The following PXT1 variants were observed in gnomAD, a reference collection of about 807,000 sequenced individuals.
The protein encoded by PXT1 is peroxisomal testis-specific protein 1.
A neutral mutation model predicts 11.0 loss-of-function variants in PXT1; 11 were observed. That is an observed-to-expected ratio of 1.00 (90% CI 0.63 to 1.66). PXT1 has a LOEUF of 1.66. PXT1 is among the 40% of genes most tolerant of loss of function. The probability of loss-of-function intolerance (pLI) is 0.00; values close to 1 mark genes in which losing one functional copy is unlikely to be tolerated. For missense variants in PXT1, 141 were observed against 155.5 expected (o/e 0.91, Z 0.49); for synonymous variants, 43 against 51.4 (o/e 0.84, Z 0.70).
At chr6:36,426,309 C>T (rs1371380342) in intron 2 of PXT1, among the ~76,000 whole-genome samples, 2 of 150,704 alleles carry the variant, frequency 1.3e-5, no homozygotes, top group Non-Finnish European at 2.9e-5. Flanking sequence ...CCTATTACAC[C>T]GGCCTGCATC....
At chr6:36,434,465 T>C (rs1774735535) in intron 2 of PXT1, among the ~76,000 whole-genome samples, 2 of 152,228 alleles carry the variant, frequency 1.3e-5, no homozygotes, top group African/African-American at 4.8e-5. Flanking sequence ...TTAATGTCTC[T>C]AAGAATTGTG....
intron 4 of PXT1, among the ~76,000 whole-genome samples, chr6:36,400,123 C>A (rs1001625166): frequency 1.3e-5 from 2 of 152,194 alleles, no homozygotes; most frequent in African/African-American, 4.8e-5. Context: ...AATGTGCACA[C>A]AAATCCCCTG....
At position 36,391,426 on chromosome 6, in the gene PXT1, G is replaced by C. The variant is rs1015400451; in HGVS notation, c.*344C>G. 1 of 247,250 alleles carries C rather than the reference G, an allele frequency of 4.0e-6. No homozygotes were observed. Among genetic ancestry groups the C allele is most frequent in the African/African-American group, 2.3e-5 (1 of 42,928 alleles). 15.3% of individuals were successfully genotyped at this position (247,250 alleles called of 1,614,324 possible). ...TCTGTGGCCTTTAGTTTGAGGACGA[G>C]GTTCTCTTTCATTCCTGGAAGGAAA... On this transcript the variant is annotated 3_prime_UTR_variant, in exon 5 of 5. Coordinates refer to ENST00000454782, the MANE Select transcript of PXT1 (RefSeq NM_152990.4).
Position 36,413,873 on chromosome 6 carries a change from C to G in PXT1, c.169+12041G>C, listed in dbSNP as rs537025963. Among the ~76,000 whole-genome samples, 5 of 152,204 alleles carry G rather than the reference C, an allele frequency of 3.3e-5. No individual in the cohort carries two copies. In the East Asian group the frequency reaches 9.7e-4, roughly 29 times the overall value. ...AATTAGCCAGATGTGATGGCATGAGCCTATAGTCCTTGATACTCAAGAGGC... is the reference window on the plus strand; with the variant it reads ...AATTAGCCAGATGTGATGGCATGAGGCTATAGTCCTTGATACTCAAGAGGC... On this transcript the variant is annotated intron_variant, in intron 3 of 4. Coordinates refer to ENST00000454782, the MANE Select transcript of PXT1 (RefSeq NM_152990.4).
At position 36,397,945 on chromosome 6, in the gene PXT1, G is replaced by A. The variant is rs576655786; in HGVS notation, c.300+2509C>T. On this transcript the variant is annotated intron_variant, in intron 4 of 4. Transcript: ENST00000454782. ...GTGGGAGGATCAATTGAACCCAGGA[G>A]TTCAAGGCTGTGTGAGCTATGATCA... 3.7e-4 allele frequency among the ~76,000 whole-genome samples: 56 copies of A among 152,078 alleles called. 1 individual carries two copies. Among genetic ancestry groups the A allele is most frequent in the African/African-American group, 1.4e-3 (56 of 41,454 alleles).
chr6:36,412,658 C>CAAA lies in PXT1; in HGVS notation c.170-12077_170-12075dup, dbSNP rs70975156. ...CTGGCAAGAGAGCAAGACTCCGTCTCAAAAAAAAAAAAATGGAGTCTTGAA... is the reference window on the plus strand; with the variant it reads ...CTGGCAAGAGAGCAAGACTCCGTCTCAAAAAAAAAAAAAAAATGGAGTCTTGAA... On this transcript the variant is annotated intron_variant, in intron 3 of 4. Coordinates refer to ENST00000454782, the MANE Select transcript of PXT1 (RefSeq NM_152990.4). Among the ~76,000 whole-genome samples, 122 of 146,058 alleles carry CAAA rather than the reference C, an allele frequency of 8.4e-4. 2 individuals are homozygous for CAAA. The highest frequency in any genetic ancestry group is 1.0e-3 in the East Asian group (5 of 4,898).
At chr6:36,436,837 G>A (rs945458026) in intron 2 of PXT1, among the ~76,000 whole-genome samples, 4 of 152,104 alleles carry the variant, frequency 2.6e-5, no homozygotes, top group Non-Finnish European at 5.9e-5. Flanking sequence ...CTATGTGTCA[G>A]GCATCAAACT....
At position 36,396,407 on chromosome 6, in the gene PXT1, C is replaced by A. The variant is rs992597047; in HGVS notation, c.300+4047G>T. 5.3e-5 allele frequency among the ~76,000 whole-genome samples: 8 copies of A among 152,300 alleles called. No homozygotes were observed. The East Asian group carries it at 1.4e-3, about 26-fold the overall frequency. On this transcript the variant is annotated intron_variant, in intron 4 of 4. Transcript: ENST00000454782. The stretch of plus-strand genomic sequence containing the variant: ...CACCCTCAGGGGCCCCAGGAAGCAC[C>A]CTACCCCTACCCCTGAAGGCTCAGG...
intron 1 of PXT1, among the ~76,000 whole-genome samples, chr6:36,441,642 A>T (rs964028722): frequency 4.6e-5 from 7 of 152,210 alleles, no homozygotes; most frequent in Non-Finnish European, 1.0e-4. Context: ...TGACTTACAG[A>T]TGACGAGTGC....
At chr6:36,417,935 G>A (rs1361416282) in intron 3 of PXT1, among the ~76,000 whole-genome samples, 1 of 152,074 alleles carries the variant, frequency 6.6e-6, no homozygotes, top group East Asian at 1.9e-4. Flanking sequence ...CGGTGGTCAT[G>A]CCTGTAATCC....
At chr6:36,394,902 A>G (rs901192742) in intron 4 of PXT1, among the ~76,000 whole-genome samples, 20 of 152,076 alleles carry the variant, frequency 1.3e-4, no homozygotes, top group African/African-American at 4.6e-4. Context: ...CCTGGGCTCA[A>G]GCAATCCTCC....
chr6:36,430,711 T>A (rs1187448923), intron 2 of PXT1, among the ~76,000 whole-genome samples: 1 of 152,244 alleles, frequency 6.6e-6, no homozygotes, highest in Non-Finnish European at 1.5e-5. Context: ...AAGTTTGTGG[T>A]CATTTGTTAC....
intron 4 of PXT1, among the ~76,000 whole-genome samples, chr6:36,393,940 A>C (rs868622814): frequency 2.6e-5 from 4 of 152,314 alleles, no homozygotes; most frequent in African/African-American, 9.6e-5. Flanking sequence ...GATCACTCCC[A>C]TATCTCCGGT....
chr6:36,400,734 C>T (rs1297985349), intron 3 of PXT1, 150 bp from the exon 4 acceptor site: 4 of 718,528 alleles, frequency 5.6e-6, no homozygotes, highest in Admixed American at 2.9e-5. Context: ...TTTAGGAGGC[C>T]GAGGTGGGTG....
At chr6:36,397,898 C>T (rs982321494) in intron 4 of PXT1, among the ~76,000 whole-genome samples, 18 of 151,962 alleles carry the variant, frequency 1.2e-4, no homozygotes, top group African/African-American at 4.3e-4. Context: ...TGCCTGTGGT[C>T]TCAGCTACTC....
At chr6:36,421,213 C>A (rs956719893) in intron 3 of PXT1, among the ~76,000 whole-genome samples, 4 of 151,934 alleles carry the variant, frequency 2.6e-5, no homozygotes, top group African/African-American at 9.7e-5. Context: ...ACGCCTGTAA[C>A]CCCAACACTT....
chr6:36,417,121 A>G (rs2127414514), intron 3 of PXT1, among the ~76,000 whole-genome samples: 1 of 152,204 alleles, frequency 6.6e-6, no homozygotes, highest in Middle Eastern at 3.4e-3. Context: ...CGAGGCGGGC[A>G]GATCACCTGA....
At chr6:36,439,382 C>T (rs1387427238) in intron 1 of PXT1, among the ~76,000 whole-genome samples, 2 of 151,036 alleles carry the variant, frequency 1.3e-5, no homozygotes, top group African/African-American at 4.9e-5. Flanking sequence ...GAGGCGGAGG[C>T]GGGTGGATCA....
At chr6:36,422,643 T>A (rs1774538416) in intron 3 of PXT1, among the ~76,000 whole-genome samples, 1 of 152,188 alleles carries the variant, frequency 6.6e-6, no homozygotes, top group East Asian at 1.9e-4. Flanking sequence ...CTGGAATGAA[T>A]GAACGAATTA....
Sources: allele counts gnomAD v4.1 joint callset (sites outside exome capture counted in the v4.1 genomes callset), GRCh38; gene constraint gnomAD v4.1.1; transcripts MANE v1.5; gene names NCBI Gene and HGNC (gene_info 2026-07-23, HGNC 2026-07-21).